LRRN1: variants seen among roughly 807,000 people sequenced by gnomAD.
LRRN1 encodes the protein leucine-rich repeat neuronal protein 1.
A neutral mutation model predicts 45.8 loss-of-function variants in LRRN1; 14 were observed. The observed-to-expected ratio is 0.31, with a 90% CI of 0.20 to 0.48. The LOEUF is 0.48. LRRN1 is among the 20% of genes least tolerant of loss of function. The pLI is 0.99. For missense variants in LRRN1, 789 were observed against 874.2 expected (o/e 0.90, Z 1.23); for synonymous variants, 359 against 330.1 (o/e 1.09, Z -0.95).
At chr3:3,815,584 C>G (rs1228233105) in intron 1 of LRRN1, among the ~76,000 whole-genome samples, 1 of 152,172 alleles carries the variant, frequency 6.6e-6, no homozygotes, top group East Asian at 1.9e-4. Flanking sequence ...AATAAACTAA[C>G]TACTTGCTCA....
intron 1 of LRRN1, among the ~76,000 whole-genome samples, chr3:3,829,320 G>T (rs192837240): frequency 8.7e-4 from 132 of 152,224 alleles, no homozygotes; most frequent in East Asian, 3.9e-4. Context: ...TGGAATCGTT[G>T]TTATGTCTCC....
chr3:3,801,364 G>A (rs1214873192), intron 1 of LRRN1: 1 of 152,230 alleles, frequency 6.6e-6, no homozygotes, highest in African/African-American at 2.4e-5. Flanking sequence ...AAGACAACAT[G>A]TTTTGTTTTG....
At chr3:3,834,161 A>G (rs1693433180) in intron 1 of LRRN1, among the ~76,000 whole-genome samples, 1 of 151,876 alleles carries the variant, frequency 6.6e-6, no homozygotes, top group Non-Finnish European at 1.5e-5. Context: ...ATTTTCTTTC[A>G]TCACTTTGTC....
chr3:3,806,063 C>A (rs749942875), intron 1 of LRRN1, among the ~76,000 whole-genome samples: 4 of 14,072 alleles, frequency 2.8e-4, no homozygotes, highest in African/African-American at 5.4e-4. Context: ...ATATTTGGAG[C>A]CTTCTTTTTG....
At chr3:3,820,966 A>G (rs1219138628) in intron 1 of LRRN1, among the ~76,000 whole-genome samples, 1 of 152,190 alleles carries the variant, frequency 6.6e-6, no homozygotes. Flanking sequence ...GGATCCTCTG[A>G]GCCTGTGAGT....
intron 1 of LRRN1, among the ~76,000 whole-genome samples, chr3:3,834,643 A>G (rs1440116549): frequency 3.4e-5 from 5 of 147,588 alleles, no homozygotes; most frequent in South Asian, 4.3e-4. Flanking sequence ...AAGTATTAAC[A>G]TGCATGATCA....
In LRRN1 at chr3:3,845,544, T is replaced by A; in HGVS notation, c.903T>A (p.Val301=). 6.2e-7 allele frequency: 1 copy of A among 1,614,114 alleles called. No individual in the cohort carries two copies. The highest frequency in any genetic ancestry group is 8.5e-7 in the Non-Finnish European group (1 of 1,180,018). ...GAATCAACAATATGGGCGAGCTCGT[T>A]TCTGTCGACCGCTATGCCCTGGATA... ...ELGINNMGEL[V]SVDRYALDNL... is the part of the protein sequence containing the mutation. Residue 301 remains valine, a synonymous_variant, in exon 2 of 2, where the codon GTT becomes GTA. Coordinates refer to ENST00000319331, the MANE Select transcript of LRRN1 (RefSeq NM_020873.7). The surrounding 1 kb of genome is among the most constrained non-coding windows in gnomAD (Gnocchi z 6.5).
intron 1 of LRRN1, among the ~76,000 whole-genome samples, chr3:3,840,857 A>G (rs539924401): frequency 6.6e-6 from 1 of 152,320 alleles, no homozygotes; most frequent in African/African-American, 2.4e-5. Context: ...AATTTAAACT[A>G]AAATGGGGGC....
intron 1 of LRRN1, among the ~76,000 whole-genome samples, chr3:3,840,676 T>A (rs1255120497): frequency 6.6e-6 from 1 of 152,222 alleles, no homozygotes; most frequent in Non-Finnish European, 1.5e-5. Context: ...GAAATTCTTA[T>A]ACATACATTC....
chr3:3,844,613 C>G lies in LRRN1; in HGVS notation c.-29C>G, dbSNP rs537376860. ...ACGTTTTGTTAAAACTTTGGGGTGT[C>G]AGGAGTTGAGCTTGCTCAGCAAGCC... is the stretch of plus-strand genomic sequence containing the variant. On this transcript the variant is annotated 5_prime_UTR_variant, in exon 2 of 2. Transcript: ENST00000319331. The G allele has an allele frequency of 1.2e-5, 19 of 1,565,224 alleles. No homozygotes were observed. In the South Asian group the frequency reaches 2.2e-4, roughly 18 times the overall value.
chr3:3,806,580 G>A (rs375672240), intron 1 of LRRN1, among the ~76,000 whole-genome samples: 269 of 152,270 alleles, frequency 1.8e-3, no homozygotes, highest in African/African-American at 5.9e-3. Context: ...TTGAGTAAAC[G>A]GGAGAGGAGG....
In LRRN1 at chr3:3,845,510, A is replaced by G. The variant is rs1693749517; in HGVS notation, c.869A>G (p.Lys290Arg). The change falls in exon 2 of 2, where the codon AAA becomes AGA. Residue 290 changes from lysine (K) to arginine (R), a missense_variant. Coordinates refer to ENST00000319331, the MANE Select transcript of LRRN1 (RefSeq NM_020873.7). This position sits in a 1 kb window ranked among gnomAD's most constrained non-coding sequence, Gnocchi z 6.5. ...EGDFKNMLRL[K>R]ELGINNMGEL... ...GACTTCAAAAATATGCTTCGGTTAA[A>G]AGAACTGGGAATCAACAATATGGGC... The G allele has an allele frequency of 6.8e-6, 11 of 1,614,150 alleles. No individual in the cohort carries two copies. The highest frequency in any genetic ancestry group is 9.3e-6 in the Non-Finnish European group (11 of 1,180,018).
intron 1 of LRRN1, among the ~76,000 whole-genome samples, chr3:3,823,524 G>A (rs1259908325): frequency 6.6e-6 from 1 of 152,136 alleles, no homozygotes; most frequent in Non-Finnish European, 1.5e-5. Flanking sequence ...TAGGTTTTCA[G>A]CACCTGACTC....
Position 3,846,320 on chromosome 3 carries a change from C to A in LRRN1, c.1679C>A (p.Thr560Asn). Reference protein sequence around the residue: ...MTSNLKWSSATMKIDNPHITY... With the variant: ...MTSNLKWSSANMKIDNPHITY... ...TCAAACTTAAAATGGTCGTCTGCCA[C>A]CATGAAGATTGATAACCCTCACATA... Residue 560 changes from threonine (T) to asparagine (N), a missense_variant, in exon 2 of 2, where the codon ACC (threonine) becomes AAC (asparagine). By Grantham distance (65) the Thr-to-Asn change is moderately conservative. Coordinates refer to ENST00000319331, the MANE Select transcript of LRRN1 (RefSeq NM_020873.7). This position sits in a 1 kb window ranked among gnomAD's most constrained non-coding sequence, Gnocchi z 5.7. The A allele has an allele frequency of 6.2e-7, 1 of 1,613,938 alleles. No homozygotes were observed. The highest frequency in any genetic ancestry group is 1.1e-5 in the South Asian group (1 of 91,082).
intron 1 of LRRN1, chr3:3,827,391 T>C (rs184104521): frequency 2.2e-6 from 1 of 455,810 alleles, no homozygotes; most frequent in African/African-American, 2.0e-5. Context: ...CAGAGTGGCC[T>C]TCAGGGACAG....
chr3:3,823,016 A>G (rs1335773819), intron 1 of LRRN1: 1 of 152,110 alleles, frequency 6.6e-6, no homozygotes, highest in African/African-American at 2.4e-5. Flanking sequence ...ATCCTTACCC[A>G]AGGGATAGAG....
chr3:3,840,300 C>G (rs934758374), intron 1 of LRRN1, among the ~76,000 whole-genome samples: 2 of 152,106 alleles, frequency 1.3e-5, no homozygotes, highest in African/African-American at 4.8e-5. Flanking sequence ...CATATGGAAC[C>G]TTCCTTGCAT....
chr3:3,849,390 A>G lies in LRRN1; in HGVS notation c.*2598A>G, dbSNP rs1411480674. Among the ~76,000 whole-genome samples the G allele has an allele frequency of 6.6e-6, 1 of 152,220 alleles. No homozygotes were observed. Among genetic ancestry groups the G allele is most frequent in the African/African-American group, 2.4e-5 (1 of 41,460 alleles). On this transcript the variant is annotated 3_prime_UTR_variant, in exon 2 of 2. Transcript: ENST00000319331. ...AACTTACTTTTCCCTGTCTGTGCTA[A>G]TGAGCTGATTTTCAGCTGATAGAAA... is the stretch of plus-strand genomic sequence containing the variant.
At chr3:3,800,350 C>T (rs1692620197) in intron 1 of LRRN1, among the ~76,000 whole-genome samples, 1 of 151,718 alleles carries the variant, frequency 6.6e-6, no homozygotes, top group Non-Finnish European at 1.5e-5. Flanking sequence ...GGAAAGGGGG[C>T]CCAGGGAGCT....
Sources: allele counts gnomAD v4.1 joint callset (sites outside exome capture counted in the v4.1 genomes callset), GRCh38; gene constraint gnomAD v4.1.1; non-coding constraint Gnocchi (gnomAD v3.1); transcripts MANE v1.5; gene names NCBI Gene and HGNC (gene_info 2026-07-23, HGNC 2026-07-21).